Variants in PMFBP1 observed in about 807,000 individuals in gnomAD.
PMFBP1 encodes the protein polyamine modulated factor 1 binding protein 1.
PMFBP1 carries 131 observed loss-of-function variants against 137.8 expected under a neutral mutation model. The ratio of observed to expected loss-of-function variants is 0.95; its 90% CI spans 0.82 to 1.10. The LOEUF (loss-of-function observed/expected upper bound fraction) is 1.10. Ranked by LOEUF, PMFBP1 falls within the 50% of genes least tolerant of loss-of-function variation. The pLI, the probability that PMFBP1 is intolerant of heterozygous loss-of-function variation, is 0.00. For missense variants in PMFBP1, 1,199 were observed against 1,175.4 expected (o/e 1.02, Z -0.29); for synonymous variants, 490 against 450.4 (o/e 1.09, Z -1.11).
intron 3 of PMFBP1, among the ~76,000 whole-genome samples, chr16:72,157,372 T>C (rs2042998736): frequency 6.6e-6 from 1 of 151,950 alleles, no homozygotes; most frequent in African/African-American, 2.4e-5. Flanking sequence ...CATTTTTGAA[T>C]TAAATGTTTG....
At chr16:72,130,774 C>T in intron 10 of PMFBP1, 52 bp from the exon 11 acceptor site, 8 of 1,508,024 alleles carry the variant, frequency 5.3e-6, no homozygotes, top group Non-Finnish European at 7.1e-6. Flanking sequence ...ATGAAGATCA[C>T]ACTCTTATCA....
At chr16:72,189,342 C>G in the PMFBP1 span, among the ~76,000 whole-genome samples, 2 of 152,198 alleles carry the variant, frequency 1.3e-5, no homozygotes, top group African/African-American at 4.8e-5. Context: ...AAGCCAGTCC[C>G]TGGAAGATGA....
chr16:72,150,869 G>A, intron 4 of PMFBP1, 40 bp from the exon 5 acceptor site: 1 of 1,551,744 alleles, frequency 6.4e-7, no homozygotes, highest in Non-Finnish European at 8.9e-7. Flanking sequence ...GCCCATGGAA[G>A]CACGTAATGA....
intron 3 of PMFBP1, among the ~76,000 whole-genome samples, chr16:72,156,289 A>G (rs1289260155): frequency 3.3e-5 from 5 of 150,018 alleles, no homozygotes; most frequent in Non-Finnish European, 5.9e-5. Flanking sequence ...GCCTGGCTGC[A>G]TAATGTTTTT....
chr16:72,120,032 C>T lies in PMFBP1; in HGVS notation c.2826G>A (p.Glu942=). Residue 942 remains glutamate, a synonymous_variant, in exon 20 of 21, where the codon GAG becomes GAA. Transcript: ENST00000237353. The part of the protein sequence containing the change: ...LQQENKKLKK[E]IEEKKMKAEN... The stretch of plus-strand genomic sequence containing the variant: ...CGGCTTTCATCTTCTTCTCTTCTAT[C>T]TCCTTCTTCAGCTTCTTGTTTTCCT... 2 of 1,614,188 alleles carry T rather than the reference C, an allele frequency of 1.2e-6. No individual in the cohort carries two copies. Among genetic ancestry groups the T allele is most frequent in the Non-Finnish European group, 1.7e-6 (2 of 1,180,048 alleles).
At chr16:72,138,749 C>A (rs1242700090) in intron 7 of PMFBP1, among the ~76,000 whole-genome samples, 1 of 152,046 alleles carries the variant, frequency 6.6e-6, no homozygotes, top group Non-Finnish European at 1.5e-5. Flanking sequence ...CTCCTGACCT[C>A]AAGTGATCTG....
In PMFBP1 at chr16:72,171,105, CTT is replaced by C. The variant is rs1275249638; in HGVS notation, c.12+90_12+91del. On this transcript the variant is annotated intron_variant, in intron 2 of 20. Coordinates refer to ENST00000237353, the MANE Select transcript of PMFBP1 (RefSeq NM_031293.3). ...CCTCTGTCCATGATATTTTGTGATG[CTT>C]ATTACTGGAATTTTGAATCATAAAA... 3 of 1,418,252 alleles carry C rather than the reference CTT, an allele frequency of 2.1e-6. No individual in the cohort carries two copies. The African/African-American group carries it at 4.4e-5, about 21-fold the overall frequency. 87.9% of individuals were successfully genotyped at this position (1,418,252 alleles called of 1,614,324 possible). A position where few individuals can be genotyped will look rare whatever the true frequency, so the allele number is the denominator to read the frequency against.
intron 5 of PMFBP1, among the ~76,000 whole-genome samples, chr16:72,148,772 C>T (rs1027087116): frequency 3.9e-5 from 6 of 152,202 alleles, no homozygotes; most frequent in Non-Finnish European, 8.8e-5. Context: ...CTCAATCCTT[C>T]ATAAGTGTGG....
rs2043121087 is a variant in PMFBP1, at chr16:72,164,814, T to A, written c.115A>T (p.Thr39Ser). The change falls in exon 3 of 21, where the codon ACC becomes TCC. Residue 39 changes from threonine (T) to serine (S), a missense_variant. Transcript: ENST00000237353. The stretch of plus-strand genomic sequence containing the variant: ...ATGCAGAGCTGATTGTCCTGCAAGG[T>A]CTTCCTCTGTCTCTTGCAGACATCG... The part of the protein sequence containing the change: ...LHDVCKRQRK[T>S]LQDNQLCMEE... 6.2e-7 allele frequency: 1 copy of A among 1,608,664 alleles called. No individual in the cohort carries two copies. Among genetic ancestry groups the A allele is most frequent in the Non-Finnish European group, 8.5e-7 (1 of 1,175,482 alleles).
chr16:72,154,255 CG>C lies in PMFBP1; in HGVS notation c.369del (p.Asp124ThrfsTer11). 6.2e-7 allele frequency: 1 copy of C among 1,614,022 alleles called. No individual in the cohort carries two copies. On this transcript the variant is annotated frameshift_variant, in exon 4 of 21. Transcript: ENST00000237353. LOFTEE classifies it high-confidence loss of function. ...CAGTGATGGTGCAGAAGAACCAGGT[CG>C]GAAGTCTGCTTCTCTAGGATGGACT... ...QYQSILEKQT[S>X]DLVLLHHHCK...
At position 72,168,109 on chromosome 16, in the gene PMFBP1, T is replaced by C. The variant is rs1025671143; in HGVS notation, c.12+3088A>G. On this transcript the variant is annotated intron_variant, in intron 2 of 20. Coordinates refer to ENST00000237353, the MANE Select transcript of PMFBP1 (RefSeq NM_031293.3). ...AAATGTCTTCATTCATGAAACAAGG[T>C]TTGGAATAAATCATCTTTCTTTGAA... Among the ~76,000 whole-genome samples the C allele has an allele frequency of 2.6e-5, 4 of 152,194 alleles. No homozygotes were observed. The East Asian group carries it at 7.7e-4, about 29-fold the overall frequency.
intron 9 of PMFBP1, 37 bp from the exon 10 acceptor site, chr16:72,133,028 G>C: frequency 6.2e-7 from 1 of 1,608,068 alleles, no homozygotes; most frequent in Non-Finnish European, 8.5e-7. Context: ...GGAAAGGTCT[G>C]AGTGGCAGTG....
the PMFBP1 span, among the ~76,000 whole-genome samples, chr16:72,240,912 T>A: frequency 3.0e-4 from 45 of 148,508 alleles, no homozygotes; most frequent in African/African-American, 7.9e-4. Flanking sequence ...GGTGTGTGTG[T>A]GAGAGAGAGA....
intron 2 of PMFBP1, among the ~76,000 whole-genome samples, chr16:72,169,194 A>G (rs539140882): frequency 9.2e-5 from 14 of 152,348 alleles, no homozygotes; most frequent in African/African-American, 3.1e-4. Flanking sequence ...CAAATCTTCA[A>G]TAATCAATGG....
Sources: allele counts gnomAD v4.1 joint callset (sites outside exome capture counted in the v4.1 genomes callset), GRCh38; gene constraint gnomAD v4.1.1; transcripts MANE v1.5; gene names NCBI Gene and HGNC (gene_info 2026-07-23, HGNC 2026-07-21).